SPATA24: variants seen among roughly 807,000 people sequenced by gnomAD.
SPATA24 encodes spermatogenesis associated 24.
Under a neutral mutation model 28.9 loss-of-function variants are expected in SPATA24, and 21 were observed. The ratio of observed to expected loss-of-function variants is 0.73; its 90% CI spans 0.52 to 1.05. The LOEUF is 1.05. SPATA24 is among the 50% of genes least tolerant of loss of function. The probability of loss-of-function intolerance (pLI) is 0.00; values close to 1 mark genes in which losing one functional copy is unlikely to be tolerated. For missense variants in SPATA24, 215 were observed against 242.9 expected, an observed-to-expected ratio of 0.88 and a Z score of 0.76; for synonymous variants, 76 against 89.9, an observed-to-expected ratio of 0.85 and a Z score of 0.88.
chr5:139,398,386 A>G (rs1758754594), intron 4 of SPATA24, among the ~76,000 whole-genome samples: 1 of 142,690 alleles, frequency 7.0e-6, no homozygotes, highest in Non-Finnish European at 1.5e-5. Flanking sequence ...ACATAGTGAG[A>G]CCTCGCCTCT....
At chr5:139,396,656 C>T, downstream of SPATA24, 1 of 1,520,190 alleles carries the variant, frequency 6.6e-7, no homozygotes. Context: ...CAGCTCCTCC[C>T]CTAGGCTACA....
At chr5:139,397,443 G>A (rs185657068) in intron 4 of SPATA24, among the ~76,000 whole-genome samples, 133 of 152,234 alleles carry the variant, frequency 8.7e-4, no homozygotes, top group South Asian at 2.5e-3. Flanking sequence ...GATGAATGGC[G>A]CCTGCCCTCA....
At chr5:139,399,248 CGGA>C (rs1244533765) in intron 4 of SPATA24, among the ~76,000 whole-genome samples, 3 of 147,190 alleles carry the variant, frequency 2.0e-5, no homozygotes, top group Non-Finnish European at 4.5e-5. Context: ...ACCTGAGAGG[CGGA>C]GCTTGCAGTG....
In SPATA24 at chr5:139,396,864, T is replaced by C. The variant is rs928726483; in HGVS notation, c.554A>G (p.Gln185Arg). 6.4e-7 allele frequency: 1 copy of C among 1,551,622 alleles called. No homozygotes were observed. Among genetic ancestry groups the C allele is most frequent in the African/African-American group, 1.4e-5 (1 of 73,046 alleles). ...QESYMAQVLD[Q>R]KHKKASGTRQ... ...TGTCCCTGAGGCTTTCTTATGCTTCTGGTCCAGCACCTGGGCCATGTAGCT... is the reference window on the plus strand; with the variant it reads ...TGTCCCTGAGGCTTTCTTATGCTTCCGGTCCAGCACCTGGGCCATGTAGCT... The change falls in exon 6 of 6, where the codon CAG (glutamine) becomes CGG (arginine). Residue 185 changes from glutamine (Q) to arginine (R), a missense_variant. Coordinates refer to ENST00000450845, the MANE Select transcript of SPATA24 (RefSeq NM_194296.2).
downstream of SPATA24, chr5:139,393,368 C>A (rs369710606): frequency 4.5e-6 from 7 of 1,551,468 alleles, no homozygotes; most frequent in Non-Finnish European, 5.2e-6. Flanking sequence ...AAGGCAAGAT[C>A]TGAAATTTCC....
chr5:139,395,318 G>A (rs911000046), downstream of SPATA24: 6 of 403,656 alleles, frequency 1.5e-5, no homozygotes, highest in Non-Finnish European at 2.2e-5. Context: ...CCTGGGGTGG[G>A]CTCCAAGCTT....
downstream of SPATA24, chr5:139,394,122 C>G (rs1483478865): frequency 6.5e-7 from 1 of 1,547,748 alleles, no homozygotes; most frequent in East Asian, 2.5e-5. Flanking sequence ...GAATCGCGCG[C>G]TCGCGGAGGC....
downstream of SPATA24, chr5:139,393,779 A>T (rs1758641302): frequency 1.3e-6 from 2 of 1,551,360 alleles, no homozygotes; most frequent in Non-Finnish European, 1.7e-6. Flanking sequence ...TCCCACTCGG[A>T]GGAGGCTTCA....
At chr5:139,393,194 A>T, downstream of SPATA24, 2 of 1,549,630 alleles carry the variant, frequency 1.3e-6, no homozygotes, top group Non-Finnish European at 1.7e-6. Flanking sequence ...GTCTTCACCA[A>T]CTTGCGCACG....
In SPATA24 at chr5:139,403,348, CCTT is replaced by C. The variant is rs769814734; in HGVS notation, c.117+593_117+595del. 1.8e-4 allele frequency among the ~76,000 whole-genome samples: 27 copies of C among 152,294 alleles called. No individual in the cohort carries two copies. In the East Asian group the frequency reaches 2.3e-3, roughly 13 times the overall value. ...TTTCTGAGATGGAGATACATCCTAA[CCTT>C]CTTATCAAGACAGGAAAACAAAACC... On this transcript the variant is annotated intron_variant, in intron 1 of 5. Transcript: ENST00000450845.
chr5:139,400,650 G>C (rs532633692), intron 4 of SPATA24, among the ~76,000 whole-genome samples: 2 of 152,078 alleles, frequency 1.3e-5, no homozygotes, highest in African/African-American at 4.8e-5. Context: ...TCCGGGAAAT[G>C]AAAGGGGCTC....
At chr5:139,393,973 G>A, downstream of SPATA24, 2 of 1,550,586 alleles carry the variant, frequency 1.3e-6, no homozygotes, top group Non-Finnish European at 1.7e-6. Context: ...CGGACTCCGT[G>A]CCCTCTGAAC....
chr5:139,396,873 A>C lies in SPATA24; in HGVS notation c.545T>G (p.Val182Gly). The change falls in exon 6 of 6, where the codon GTG becomes GGG. Residue 182 changes from valine to glycine, a missense_variant. Physicochemically the swap from Val to Gly is moderately radical, Grantham distance 109. Coordinates refer to ENST00000450845, the MANE Select transcript of SPATA24 (RefSeq NM_194296.2). ...GGCTTTCTTATGCTTCTGGTCCAGC[A>C]CCTGGGCCATGTAGCTCTCCTGCTG... The part of the protein sequence containing the change: ...QKQQESYMAQ[V>G]LDQKHKKASG... The C allele has an allele frequency of 6.4e-7, 1 of 1,551,642 alleles. No homozygotes were observed. The highest frequency in any genetic ancestry group is 8.7e-7 in the Non-Finnish European group (1 of 1,146,982).
At chr5:139,396,334 A>G, downstream of SPATA24, 1 of 985,406 alleles carries the variant, frequency 1.0e-6, no homozygotes, top group East Asian at 1.1e-4. Flanking sequence ...AACCACACAC[A>G]GCATTGTCTT....
intron 4 of SPATA24, chr5:139,401,525 G>A: frequency 1.5e-6 from 1 of 661,436 alleles, no homozygotes; most frequent in Non-Finnish European, 2.7e-6. Flanking sequence ...ATGGGAGCAA[G>A]CCCATTCCTT....
chr5:139,401,897 G>A lies in SPATA24; in HGVS notation c.314+18C>T, dbSNP rs145128506. On this transcript the variant is annotated intron_variant, in intron 3 of 5. Transcript: ENST00000450845. ...ATGCATCCCCCAAACCCCACACCCC[G>A]TACTGAGGCCCACTCACGCTTTTTC... 48 of 1,551,312 alleles carry A rather than the reference G, an allele frequency of 3.1e-5. 1 individual carries two copies. In the Middle Eastern group the frequency reaches 5.0e-4, roughly 16 times the overall value.
chr5:139,400,650 G>T (rs532633692), intron 4 of SPATA24, among the ~76,000 whole-genome samples: 1 of 152,196 alleles, frequency 6.6e-6, no homozygotes, highest in East Asian at 1.9e-4. Flanking sequence ...TCCGGGAAAT[G>T]AAAGGGGCTC....
chr5:139,402,319 A>G (rs1223303257), intron 2 of SPATA24, among the ~76,000 whole-genome samples: 2 of 151,502 alleles, frequency 1.3e-5, no homozygotes, highest in Non-Finnish European at 2.9e-5. Context: ...GTTCAAGCCA[A>G]TTCTCCTGTC....
chr5:139,396,959 T>G (rs1242636685), intron 5 of SPATA24, 30 bp from the exon 6 acceptor site: 1 of 1,551,518 alleles, frequency 6.4e-7, no homozygotes, highest in Non-Finnish European at 8.7e-7. Context: ...TGGTGGGCTG[T>G]GGACAGCCAA....
Sources: allele counts gnomAD v4.1 joint callset (sites outside exome capture counted in the v4.1 genomes callset), GRCh38; gene constraint gnomAD v4.1.1; transcripts MANE v1.5; gene names NCBI Gene and HGNC (gene_info 2026-07-23, HGNC 2026-07-21).